Variants in ARHGAP26 observed in about 807,000 individuals in gnomAD.
ARHGAP26 encodes Rho GTPase activating protein 26.
Under a neutral mutation model 104.8 loss-of-function variants are expected in ARHGAP26, and 38 were observed. The observed-to-expected ratio is 0.36, with a 90% CI of 0.28 to 0.48. The LOEUF (loss-of-function observed/expected upper bound fraction) is 0.48, where lower values mean the gene tolerates loss of function less well. Among genes scored for constraint, ARHGAP26 ranks in the 20% least tolerant of loss-of-function variants. ARHGAP26 has a pLI of 0.99. For missense variants in ARHGAP26, 704 were observed against 947.9 expected (o/e 0.74, Z 3.38); for synonymous variants, 341 against 340.0 (o/e 1.00, Z -0.03).
intron 1 of ARHGAP26, among the ~76,000 whole-genome samples, chr5:142,816,273 G>A (rs899107083): frequency 6.6e-6 from 1 of 152,250 alleles, no homozygotes; most frequent in Non-Finnish European, 1.5e-5. Flanking sequence ...GCAGCTGAGA[G>A]CAACTTGGTG....
chr5:143,057,527 C>A, intron 16 of ARHGAP26, 115 bp from the exon 17 acceptor site: 1 of 813,362 alleles, frequency 1.2e-6, no homozygotes, highest in Non-Finnish European at 2.0e-6. Context: ...GATTGTAAAT[C>A]TTTGAGAAAT....
intron 5 of ARHGAP26, among the ~76,000 whole-genome samples, chr5:142,890,045 A>G (rs1356892360): frequency 6.7e-6 from 1 of 149,392 alleles, no homozygotes; most frequent in Non-Finnish European, 1.5e-5. Context: ...CTGAGGCAGG[A>G]GAATATCTTG....
chr5:143,116,726 C>T (rs1293914581), intron 17 of ARHGAP26, among the ~76,000 whole-genome samples: 2 of 152,222 alleles, frequency 1.3e-5, no homozygotes, highest in African/African-American at 2.4e-5. Context: ...CAGACCAAAA[C>T]AGAGTCTCCA....
rs1355134445 is a variant in ARHGAP26, at chr5:143,228,679, T to C, written c.*6233T>C. On this transcript the variant is annotated 3_prime_UTR_variant, in exon 23 of 23. Transcript: ENST00000645722. ...TGATATAATATCAATAAAGTACTTA[T>C]TAAATGGCACTTTAATGTTTTCTTT... 1 of 207,576 alleles carries C rather than the reference T, an allele frequency of 4.8e-6. No homozygotes were observed. The highest frequency in any genetic ancestry group is 9.8e-6 in the Non-Finnish European group (1 of 101,628). 12.9% of individuals were successfully genotyped at this position (207,576 alleles called of 1,614,324 possible). A position where few individuals can be genotyped will look rare whatever the true frequency, so the allele number is the denominator to read the frequency against.
At chr5:142,790,064 G>A (rs1759490945) in intron 1 of ARHGAP26, among the ~76,000 whole-genome samples, 1 of 152,314 alleles carries the variant, frequency 6.6e-6, no homozygotes, top group South Asian at 2.1e-4. Context: ...AGGCATTGTT[G>A]TAGTGTTGAG....
At chr5:143,181,189 A>G (rs936185366) in intron 20 of ARHGAP26, among the ~76,000 whole-genome samples, 1 of 152,198 alleles carries the variant, frequency 6.6e-6, no homozygotes, top group Non-Finnish European at 1.5e-5. Context: ...GCAAGCTTGA[A>G]CACAGCACTC....
At chr5:142,910,330 C>T (rs141092685) in intron 9 of ARHGAP26, among the ~76,000 whole-genome samples, 68 of 152,282 alleles carry the variant, frequency 4.5e-4, no homozygotes, top group African/African-American at 1.4e-3. Flanking sequence ...CTTCCCATGA[C>T]GTCACTATTT....
chr5:142,784,763 A>G (rs1483146953), intron 1 of ARHGAP26, among the ~76,000 whole-genome samples: 3 of 152,116 alleles, frequency 2.0e-5, no homozygotes, highest in Admixed American at 6.5e-5. Flanking sequence ...GCAGCATACA[A>G]TTCAATGGCT....
intron 17 of ARHGAP26, among the ~76,000 whole-genome samples, chr5:143,064,449 G>A (rs1401735739): frequency 6.6e-6 from 1 of 150,632 alleles, no homozygotes; most frequent in Non-Finnish European, 1.5e-5. Context: ...ATAGATGGGA[G>A]GTCCATGAAA....
Position 143,038,147 on chromosome 5 carries a change from T to C in ARHGAP26, c.1210+886T>C, listed in dbSNP as rs546222403. On this transcript the variant is annotated intron_variant, in intron 13 of 22. Coordinates refer to ENST00000645722, the MANE Select transcript of ARHGAP26 (RefSeq NM_001135608.3). ...GAACCGTTGTCAGAGATGTGAATCTTATTTACTCACAGCCTCTCAGCCTAC... is the reference window on the plus strand; with the variant it reads ...GAACCGTTGTCAGAGATGTGAATCTCATTTACTCACAGCCTCTCAGCCTAC... Among the ~76,000 whole-genome samples, 16 of 152,376 alleles carry C rather than the reference T, an allele frequency of 1.1e-4. No homozygotes were observed. The South Asian group carries it at 3.3e-3, about 32-fold the overall frequency.
chr5:143,122,825 A>G (rs1378049847), intron 18 of ARHGAP26, among the ~76,000 whole-genome samples: 1 of 152,186 alleles, frequency 6.6e-6, no homozygotes, highest in Non-Finnish European at 1.5e-5. Context: ...GCTTGATGGC[A>G]TAGAACTTCA....
intron 20 of ARHGAP26, among the ~76,000 whole-genome samples, chr5:143,186,434 A>G (rs761596781): frequency 2.0e-5 from 3 of 152,162 alleles, no homozygotes; most frequent in African/African-American, 7.2e-5. Context: ...CTATGCCACC[A>G]TCAGTATGAG....
At position 142,774,711 on chromosome 5, in the gene ARHGAP26, A is replaced by G. The variant is rs559207274; in HGVS notation, c.154+3796A>G. ...ACATACAGAATACTTTCACTACCCT[A>G]AAAATCCTATGTGCTCCACCTATTC... On this transcript the variant is annotated intron_variant, in intron 1 of 22. Transcript: ENST00000645722. Among the ~76,000 whole-genome samples, 369 of 152,252 alleles carry G rather than the reference A, an allele frequency of 2.4e-3. 2 individuals are homozygous for G. Among genetic ancestry groups the G allele is most frequent in the African/African-American group, 8.4e-3 (350 of 41,552 alleles).
intron 18 of ARHGAP26, among the ~76,000 whole-genome samples, chr5:143,129,883 G>C (rs923690294): frequency 1.3e-5 from 2 of 152,186 alleles, no homozygotes; most frequent in East Asian, 3.8e-4. Context: ...GCTTGCACAA[G>C]GGAAACAGAC....
intron 20 of ARHGAP26, among the ~76,000 whole-genome samples, chr5:143,155,069 C>T (rs181666008): frequency 1.3e-3 from 195 of 152,204 alleles, no homozygotes; most frequent in Admixed American, 2.4e-3. Flanking sequence ...TCACCCACCT[C>T]CAAGCAGAAA....
chr5:143,012,576 T>TATATATATATATATATATACA (rs1554195628), intron 11 of ARHGAP26, among the ~76,000 whole-genome samples: 20 of 57,020 alleles, frequency 3.5e-4, no homozygotes, highest in Non-Finnish European at 7.8e-4. Flanking sequence ...TATATATATA[T>TATATATATATATATATATACA]TATGATCAGG....
intron 11 of ARHGAP26, among the ~76,000 whole-genome samples, chr5:142,963,189 T>TATATATACATAC (rs1770653557): frequency 9.0e-6 from 1 of 111,114 alleles, no homozygotes; most frequent in African/African-American, 4.6e-5. Flanking sequence ...TATATATATA[T>TATATATACATAC]ATATATATAT....
intron 11 of ARHGAP26, among the ~76,000 whole-genome samples, chr5:142,997,424 G>C (rs1348659344): frequency 6.6e-6 from 1 of 151,886 alleles, no homozygotes; most frequent in African/African-American, 2.4e-5. Flanking sequence ...TGAGGGGTTG[G>C]TGGGGACAGG....
intron 1 of ARHGAP26, among the ~76,000 whole-genome samples, chr5:142,828,572 A>G (rs1767758250): frequency 6.6e-6 from 1 of 152,114 alleles, no homozygotes; most frequent in South Asian, 2.1e-4. Context: ...GGTTGCTTTC[A>G]TTTTCCTGAC....
Sources: allele counts gnomAD v4.1 joint callset (sites outside exome capture counted in the v4.1 genomes callset), GRCh38; gene constraint gnomAD v4.1.1; transcripts MANE v1.5; gene names NCBI Gene and HGNC (gene_info 2026-07-23, HGNC 2026-07-21).